IGF2BP2: variants seen among roughly 807,000 people sequenced by gnomAD.
IGF2BP2 encodes the protein insulin-like growth factor 2 mRNA-binding protein 2.
Under a neutral mutation model 75.8 loss-of-function variants are expected in IGF2BP2, and 17 were observed. The observed-to-expected ratio is 0.22, with a 90% CI of 0.15 to 0.34. The LOEUF (loss-of-function observed/expected upper bound fraction) is 0.34. Among genes scored for constraint, IGF2BP2 ranks in the 10% least tolerant of loss-of-function variants. IGF2BP2 has a pLI of 1.00. For missense variants in IGF2BP2, 516 were observed against 772.4 expected (o/e 0.67, Z 3.93); for synonymous variants, 288 against 295.6 (o/e 0.97, Z 0.26).
intron 2 of IGF2BP2, among the ~76,000 whole-genome samples, chr3:185,813,679 C>G (rs1414665930): frequency 6.6e-6 from 1 of 152,214 alleles, no homozygotes; most frequent in Admixed American, 6.5e-5. Context: ...ACGTTAGACC[C>G]CTACAACCAT....
At chr3:185,677,064 T>TAGAGAGAGAGAGAGAG (rs1227931431) in intron 7 of IGF2BP2, among the ~76,000 whole-genome samples, 2 of 45,784 alleles carry the variant, frequency 4.4e-5, no homozygotes, top group Admixed American at 2.4e-4. Context: ...TATATATATA[T>TAGAGAGAGAGAGAGAG]ATATAGAGAG....
chr3:185,672,646 C>T lies in IGF2BP2; in HGVS notation c.1095G>A (p.Gly365=). 6.2e-7 allele frequency: 1 copy of T among 1,614,090 alleles called. No homozygotes were observed. The highest frequency in any genetic ancestry group is 8.5e-7 in the Non-Finnish European group (1 of 1,179,996). ...AGATGCCAAGTGCGCTGAGGTTCAA[C>T]CCTGGGATCAGATTGGCTTGTTGCT... is the stretch of plus-strand genomic sequence containing the variant. The part of the protein sequence containing the change: ...AVNQQANLIP[G]LNLSALGIFS... Residue 365 remains glycine, a synonymous_variant, in exon 10 of 16, where the codon GGG becomes GGA. Transcript: ENST00000382199.
chr3:185,768,248 C>T (rs1733360238), intron 2 of IGF2BP2, among the ~76,000 whole-genome samples: 1 of 152,076 alleles, frequency 6.6e-6, no homozygotes, highest in Non-Finnish European at 1.5e-5. Context: ...GAGAACTTTC[C>T]CAAGAGTATC....
At chr3:185,785,668 T>A (rs6780171) in intron 2 of IGF2BP2, among the ~76,000 whole-genome samples, 58,199 of 151,480 alleles carry the variant, frequency 0.38, 11,999 homozygotes, top group African/African-American at 0.56. Context: ...ATAAAAAAAA[T>A]AATAATAATT....
chr3:185,716,324 C>G (rs767638915), intron 2 of IGF2BP2: 11 of 403,630 alleles, frequency 2.7e-5, no homozygotes, highest in Non-Finnish European at 5.4e-5. Flanking sequence ...CAGCATTTAT[C>G]CAATAAACAC....
chr3:185,812,728 G>C (rs1740068168), intron 2 of IGF2BP2, among the ~76,000 whole-genome samples: 1 of 152,176 alleles, frequency 6.6e-6, no homozygotes, highest in Non-Finnish European at 1.5e-5. Context: ...AAATGCAGTT[G>C]TCTTCGTATT....
intron 10 of IGF2BP2, 93 bp from the exon 11 acceptor site, chr3:185,658,502 C>T: frequency 9.7e-7 from 1 of 1,032,722 alleles, no homozygotes; most frequent in Non-Finnish European, 1.5e-6. Flanking sequence ...GACACAGGCT[C>T]TCTGTGGCAT....
chr3:185,646,596 A>T (rs1182019641), intron 15 of IGF2BP2, among the ~76,000 whole-genome samples: 1 of 152,152 alleles, frequency 6.6e-6, no homozygotes, highest in Non-Finnish European at 1.5e-5. Flanking sequence ...GGAGAGAGAA[A>T]TGCCGTGAGC....
intron 2 of IGF2BP2, among the ~76,000 whole-genome samples, chr3:185,739,829 T>C (rs1037581715): frequency 2.4e-4 from 37 of 151,186 alleles, no homozygotes; most frequent in African/African-American, 8.7e-4. Context: ...CATCAAATTA[T>C]GTCCTTTTTT....
At chr3:185,760,232 C>G (rs568148352) in intron 2 of IGF2BP2, among the ~76,000 whole-genome samples, 5 of 152,282 alleles carry the variant, frequency 3.3e-5, no homozygotes, top group African/African-American at 1.2e-4. Flanking sequence ...CCCACTATGA[C>G]CCAAACTCCC....
intron 2 of IGF2BP2, among the ~76,000 whole-genome samples, chr3:185,732,262 C>T (rs566371860): frequency 6.6e-6 from 1 of 152,272 alleles, no homozygotes; most frequent in East Asian, 1.9e-4. Context: ...TGGTACCTTC[C>T]TCAGTACTTG....
chr3:185,794,416 C>T (rs909948255), intron 2 of IGF2BP2, among the ~76,000 whole-genome samples: 2 of 140,230 alleles, frequency 1.4e-5, no homozygotes, highest in African/African-American at 5.6e-5. Context: ...GGTTGAGTAT[C>T]AACTAACTTA....
rs1713334343 is a variant in IGF2BP2 at position 185,645,363 on chromosome 3, C to G, written c.*168G>C. Reference sequence around the variant, plus strand: ...TGACCTTCCCCGCCCCTCCTCGGCCCCTGGGGTTCTCAGGGCCTCGGCAGA... The same window carrying G: ...TGACCTTCCCCGCCCCTCCTCGGCCGCTGGGGTTCTCAGGGCCTCGGCAGA... On this transcript the variant is annotated 3_prime_UTR_variant, in exon 16 of 16. Transcript: ENST00000382199. This position sits in a 1 kb window ranked among gnomAD's most constrained non-coding sequence, Gnocchi z 4.9. 3 of 601,478 alleles carry G rather than the reference C, an allele frequency of 5.0e-6. No individual in the cohort carries two copies. The highest frequency in any genetic ancestry group is 8.9e-6 in the Non-Finnish European group (3 of 335,360). The allele number at this position is 601,478 out of a possible 1,614,324, so 37.3% of individuals were successfully genotyped here. A position where few individuals can be genotyped will look rare whatever the true frequency, so the allele number is the denominator to read the frequency against.
intron 2 of IGF2BP2, among the ~76,000 whole-genome samples, chr3:185,705,829 G>A (rs1723947874): frequency 6.6e-6 from 1 of 152,072 alleles, no homozygotes; most frequent in South Asian, 2.1e-4. Flanking sequence ...CCTTCATGAG[G>A]GTTCCACCTT....
At chr3:185,769,063 C>T (rs1049124961) in intron 2 of IGF2BP2, among the ~76,000 whole-genome samples, 11 of 151,822 alleles carry the variant, frequency 7.2e-5, no homozygotes, top group South Asian at 4.2e-4. Context: ...TGAACCTGGG[C>T]GGGGCGCGGT....
At chr3:185,799,843 G>T (rs886721809) in intron 2 of IGF2BP2, among the ~76,000 whole-genome samples, 2 of 152,138 alleles carry the variant, frequency 1.3e-5, no homozygotes, top group African/African-American at 4.8e-5. Context: ...GTGTAAATTA[G>T]TTCAACCATT....
At chr3:185,657,202 G>T in intron 12 of IGF2BP2, 84 bp downstream of exon 12, 2 of 868,508 alleles carry the variant, frequency 2.3e-6, no homozygotes, top group Non-Finnish European at 1.9e-6. Flanking sequence ...ATGGTGTGGC[G>T]CTGCCTGGGA....
At chr3:185,794,207 C>A (rs188727732) in intron 2 of IGF2BP2, among the ~76,000 whole-genome samples, 1 of 151,998 alleles carries the variant, frequency 6.6e-6, no homozygotes, top group African/African-American at 2.4e-5. Flanking sequence ...CTCAAGCAAT[C>A]CTCCCAGCTT....
At chr3:185,753,477 C>T (rs913827391) in intron 2 of IGF2BP2, among the ~76,000 whole-genome samples, 2 of 152,160 alleles carry the variant, frequency 1.3e-5, no homozygotes, top group Non-Finnish European at 2.9e-5. Flanking sequence ...TTATTTATCA[C>T]TTCCCAAAAC....
Sources: gnomAD v4.1 joint callset for allele counts (sites outside exome capture counted in the v4.1 genomes callset) on GRCh38, gnomAD v4.1.1 for gene constraint, Gnocchi (gnomAD v3.1) non-coding constraint, MANE v1.5 for transcripts, NCBI Gene and HGNC (gene_info 2026-07-23, HGNC 2026-07-21) for gene names.